The following ZNF462 variants were observed in gnomAD, a reference collection of about 807,000 sequenced individuals.
ZNF462 encodes zinc finger PBX1-interacting protein.
ZNF462 carries 10 observed loss-of-function variants against 201.9 expected under a neutral mutation model. That is an observed-to-expected ratio of 0.05 (90% confidence interval 0.03 to 0.08). ZNF462 has a LOEUF of 0.08. Among genes scored for constraint, ZNF462 ranks in the 10% least tolerant of loss-of-function variants. ZNF462 has a pLI of 1.00. For missense variants in ZNF462, 2,523 were observed against 3,168.3 expected (o/e 0.80, Z 4.89); for synonymous variants, 1,227 against 1,193.3 (o/e 1.03, Z -0.58).
Position 106,974,039 on chromosome 9 carries a change from C to T in ZNF462, c.6696-98C>T, listed in dbSNP as rs922325266. 25 of 1,490,158 alleles carry T rather than the reference C, an allele frequency of 1.7e-5. No individual in the cohort carries two copies. In the East Asian group the frequency reaches 2.3e-4, roughly 14 times the overall value. The allele number at this position is 1,490,158 out of a possible 1,614,324, so 92.3% of individuals were successfully genotyped here. A position where few individuals can be genotyped will look rare whatever the true frequency, so the allele number is the denominator to read the frequency against. On this transcript the variant is annotated intron_variant, in intron 8 of 12. Coordinates refer to ENST00000277225, the MANE Select transcript of ZNF462 (RefSeq NM_021224.6). This position sits in a 1 kb window ranked among gnomAD's most constrained non-coding sequence, Gnocchi z 4.0. ...TTTTTAGCCCCACAAGCAGGAGAGC[C>T]GCACTTGGACATATATAACGGGTTT...
At chr9:106,988,019 A>T (rs1307145548) in intron 10 of ZNF462, among the ~76,000 whole-genome samples, 1 of 152,176 alleles carries the variant, frequency 6.6e-6, no homozygotes, top group African/African-American at 2.4e-5. Flanking sequence ...CCATTGGTAT[A>T]TATGCCTATT....
chr9:106,910,056 T>G (rs911706303), intron 1 of ZNF462, among the ~76,000 whole-genome samples: 1 of 152,176 alleles, frequency 6.6e-6, no homozygotes, highest in African/African-American at 2.4e-5. Flanking sequence ...TTTTGTGCAG[T>G]TTTTTGAAGA....
Position 106,932,449 on chromosome 9 carries a change from C to A in ZNF462, c.6016C>A (p.Leu2006Met). Residue 2006 changes from leucine (L) to methionine (M), a missense_variant, in exon 5 of 13, where the codon CTG becomes ATG. Physicochemically the swap from Leu to Met is conservative, Grantham distance 15. Transcript: ENST00000277225. This position sits in a 1 kb window ranked among gnomAD's most constrained non-coding sequence, Gnocchi z 6.8. ...VPAVSAAVKG[L>M]RSHERSHLAL... The stretch of plus-strand genomic sequence containing the variant: ...CAGAGTCCTGATGTCCATGCAGGGG[C>A]TGCGTTCTCATGAGAGGAGCCACCT... 1 of 1,614,242 alleles carries A rather than the reference C, an allele frequency of 6.2e-7. No individual in the cohort carries two copies. The highest frequency in any genetic ancestry group is 1.1e-5 in the South Asian group (1 of 91,084).
In ZNF462 at chr9:106,895,366, A is replaced by C. The variant is rs986482956; in HGVS notation, c.-30-27988A>C. Among the ~76,000 whole-genome samples the C allele has an allele frequency of 1.3e-5, 2 of 151,502 alleles. No individual in the cohort carries two copies. The highest frequency in any genetic ancestry group is 2.9e-5 in the Non-Finnish European group (2 of 67,890). ...CCCTTCTAAATATCATGTAGGCTTGACCCCTCCTCTTCATCCCCAGTGCGT... is the reference window on the plus strand; with the variant it reads ...CCCTTCTAAATATCATGTAGGCTTGCCCCCTCCTCTTCATCCCCAGTGCGT... On this transcript the variant is annotated intron_variant, in intron 1 of 12. Transcript: ENST00000277225. The surrounding 1 kb of genome is among the most constrained non-coding windows in gnomAD (Gnocchi z 4.4).
rs570974344 is a variant in ZNF462, at chr9:107,012,827, G to A, written c.*1797G>A. On this transcript the variant is annotated 3_prime_UTR_variant, in exon 13 of 13. Transcript: ENST00000277225. ...CAGCTTCAAATAAAATCCATGGAAAGATGTTGCATTTGTGGAATAAGTGCT... is the reference window on the plus strand; with the variant it reads ...CAGCTTCAAATAAAATCCATGGAAAAATGTTGCATTTGTGGAATAAGTGCT... 115 of 151,776 alleles carry A rather than the reference G, an allele frequency of 7.6e-4. 1 individual carries two copies. The highest frequency in any genetic ancestry group is 2.7e-3 in the African/African-American group (112 of 41,460). 9.4% of individuals were successfully genotyped at this position (151,776 alleles called of 1,614,324 possible).
chr9:106,868,879 G>T (rs1299946116), intron 1 of ZNF462, among the ~76,000 whole-genome samples: 2 of 152,190 alleles, frequency 1.3e-5, no homozygotes, highest in Admixed American at 6.5e-5. Context: ...GCAGGAGTAT[G>T]GATTTTTCTT....
chr9:106,960,349 C>G (rs74800932), intron 7 of ZNF462, among the ~76,000 whole-genome samples: 1 of 152,102 alleles, frequency 6.6e-6, no homozygotes, highest in Non-Finnish European at 1.5e-5. Context: ...CATCTTCCCT[C>G]CAGTCAGGTC....
Position 106,929,821 on chromosome 9 carries a change from A to G in ZNF462, c.5847+62A>G. 6.8e-7 allele frequency: 1 copy of G among 1,459,918 alleles called. No individual in the cohort carries two copies. The highest frequency in any genetic ancestry group is 1.3e-5 in the South Asian group (1 of 74,820). 90.4% of individuals were successfully genotyped at this position (1,459,918 alleles called of 1,614,324 possible). A position where few individuals can be genotyped will look rare whatever the true frequency, so the allele number is the denominator to read the frequency against. On this transcript the variant is annotated intron_variant, in intron 3 of 12. Coordinates refer to ENST00000277225, the MANE Select transcript of ZNF462 (RefSeq NM_021224.6). The surrounding 1 kb of genome is among the most constrained non-coding windows in gnomAD (Gnocchi z 8.7). ...CCTCTCATCACTGGTGCCCACATGC[A>G]CTTCTTCGTTGCCAGCCAAACTGCT...
intron 7 of ZNF462, among the ~76,000 whole-genome samples, chr9:106,955,580 C>T (rs1164190493): frequency 6.6e-6 from 1 of 152,090 alleles, no homozygotes; most frequent in African/African-American, 2.4e-5. Flanking sequence ...TTGATTGACT[C>T]TTCCTTTCAC....
intron 10 of ZNF462, among the ~76,000 whole-genome samples, chr9:106,999,585 A>G (rs997830048): frequency 1.3e-5 from 2 of 152,180 alleles, no homozygotes; most frequent in African/African-American, 4.8e-5. Context: ...TATTCAGAGA[A>G]TGATGTGTAC....
Position 106,928,343 on chromosome 9 carries a change from T to C in ZNF462, c.4431T>C (p.Ser1477=). ...CATACCAGTGCACGGTATGCCAATC[T>C]GAGTATAACAACTTGCACGGCCTTC... The part of the protein sequence containing the change: ...STPYQCTVCQ[S]EYNNLHGLLT... The change falls in exon 3 of 13, where the codon TCT becomes TCC. Residue 1477 remains serine (S), a synonymous_variant. Transcript: ENST00000277225. The surrounding 1 kb of genome is among the most constrained non-coding windows in gnomAD (Gnocchi z 9.3). 1 of 1,614,116 alleles carries C rather than the reference T, an allele frequency of 6.2e-7. No individual in the cohort carries two copies. The highest frequency in any genetic ancestry group is 1.1e-5 in the South Asian group (1 of 91,072).
Position 106,876,749 on chromosome 9 carries a change from A to G in ZNF462, c.-31+13394A>G, listed in dbSNP as rs949666924. ...CATGAAGTTTTCTGAGCTTTTCAGA[A>G]GAAAGATGTTATTACTGTTCCTATT... is the stretch of plus-strand genomic sequence containing the variant. On this transcript the variant is annotated intron_variant, in intron 1 of 12. Coordinates refer to ENST00000277225, the MANE Select transcript of ZNF462 (RefSeq NM_021224.6). The surrounding 1 kb of genome is among the most constrained non-coding windows in gnomAD (Gnocchi z 4.9). Among the ~76,000 whole-genome samples the G allele has an allele frequency of 6.6e-6, 1 of 152,200 alleles. No individual in the cohort carries two copies. The highest frequency in any genetic ancestry group is 2.4e-5 in the African/African-American group (1 of 41,452).
rs920672403 is a variant in ZNF462 at position 106,885,401 on chromosome 9, T to G, written c.-31+22046T>G. Among the ~76,000 whole-genome samples the G allele has an allele frequency of 6.6e-6, 1 of 152,186 alleles. No homozygotes were observed. The highest frequency in any genetic ancestry group is 2.4e-5 in the African/African-American group (1 of 41,448). The stretch of plus-strand genomic sequence containing the variant: ...TTGAGAAAACTTGTCTGGTTGACAG[T>G]AATTTTTTAGTAACAGAAAGCAGCA... On this transcript the variant is annotated intron_variant, in intron 1 of 12. Coordinates refer to ENST00000277225, the MANE Select transcript of ZNF462 (RefSeq NM_021224.6). The surrounding 1 kb of genome is among the most constrained non-coding windows in gnomAD (Gnocchi z 4.1).
chr9:106,990,830 G>A (rs974180587), intron 10 of ZNF462, among the ~76,000 whole-genome samples: 1 of 151,818 alleles, frequency 6.6e-6, no homozygotes, highest in African/African-American at 2.4e-5. Context: ...AATGCAATTT[G>A]AATTTTTGAA....
intron 1 of ZNF462, among the ~76,000 whole-genome samples, chr9:106,922,019 C>G (rs929506411): frequency 6.6e-6 from 1 of 152,130 alleles, no homozygotes; most frequent in Non-Finnish European, 1.5e-5. Flanking sequence ...TTTTAGCAGG[C>G]GATCAGGAGG....
At position 106,930,099 on chromosome 9, in the gene ZNF462, C is replaced by T. The variant is rs1830361685; in HGVS notation, c.5847+340C>T. 6.6e-6 allele frequency among the ~76,000 whole-genome samples: 1 copy of T among 152,160 alleles called. No individual in the cohort carries two copies. Among genetic ancestry groups the T allele is most frequent in the Non-Finnish European group, 1.5e-5 (1 of 68,026 alleles). The stretch of plus-strand genomic sequence containing the variant: ...TTTCCTAAGGCAGTGTGGGCTGTCT[C>T]TTGGTACCATTAGCACTTCTCAGCC... On this transcript the variant is annotated intron_variant, in intron 3 of 12. Transcript: ENST00000277225. This position sits in a 1 kb window ranked among gnomAD's most constrained non-coding sequence, Gnocchi z 5.8.
chr9:106,952,672 G>T (rs1831403988), intron 7 of ZNF462, among the ~76,000 whole-genome samples: 1 of 152,172 alleles, frequency 6.6e-6, no homozygotes, highest in Non-Finnish European at 1.5e-5. Flanking sequence ...CCCAGTGTTA[G>T]ACATCATTAC....
chr9:106,957,755 A>G lies in ZNF462; in HGVS notation c.6428-14250A>G, dbSNP rs550126484. Among the ~76,000 whole-genome samples, 8 of 152,230 alleles carry G rather than the reference A, an allele frequency of 5.3e-5. No individual in the cohort carries two copies. The East Asian group carries it at 1.4e-3, about 26-fold the overall frequency. ...AAATGGATGTTAAAACTAAGAGTAAAATGCAGATCTAGAAATATTTTGGAT... is the reference window on the plus strand; with the variant it reads ...AAATGGATGTTAAAACTAAGAGTAAGATGCAGATCTAGAAATATTTTGGAT... On this transcript the variant is annotated intron_variant, in intron 7 of 12. Coordinates refer to ENST00000277225, the MANE Select transcript of ZNF462 (RefSeq NM_021224.6).
In ZNF462 at chr9:107,012,011, ATTG is replaced by A. The variant is rs974507914; in HGVS notation, c.*987_*989del. The A allele has an allele frequency of 1.4e-4, 20 of 145,738 alleles. No individual in the cohort carries two copies. Among genetic ancestry groups the A allele is most frequent in the East Asian group, 1.2e-3 (6 of 4,828 alleles). 9.0% of individuals were successfully genotyped at this position (145,738 alleles called of 1,614,324 possible). ...AATTGTTTTTCGTGTGTGTGTTGTT[ATTG>A]TTGTTTTAATTTCGGGGCAAGGGAG... On this transcript the variant is annotated 3_prime_UTR_variant, in exon 13 of 13. Coordinates refer to ENST00000277225, the MANE Select transcript of ZNF462 (RefSeq NM_021224.6).
Sources: gnomAD v4.1 joint callset for allele counts (sites outside exome capture counted in the v4.1 genomes callset) on GRCh38, gnomAD v4.1.1 for gene constraint, Gnocchi (gnomAD v3.1) non-coding constraint, MANE v1.5 for transcripts, NCBI Gene and HGNC (gene_info 2026-07-23, HGNC 2026-07-21) for gene names.